RUNDC3B: variants seen among roughly 807,000 people sequenced by gnomAD.
RUNDC3B encodes the protein RUN domain-containing protein 3B.
A neutral mutation model predicts 58.4 loss-of-function variants in RUNDC3B; 33 were observed. That is an observed-to-expected ratio of 0.56 (90% CI 0.43 to 0.75). The LOEUF (loss-of-function observed/expected upper bound fraction) is 0.75, where lower values mean the gene tolerates loss of function less well. RUNDC3B is among the 30% of genes least tolerant of loss of function. RUNDC3B has a pLI of 0.00. For synonymous variants in RUNDC3B, 193 were observed against 195.2 expected, an observed-to-expected ratio of 0.99 and a Z score of 0.10; for missense variants, 501 against 535.7, an observed-to-expected ratio of 0.94 and a Z score of 0.64.
At chr7:87,698,334 T>TCC (rs1828689614) in intron 2 of RUNDC3B, among the ~76,000 whole-genome samples, 1 of 152,064 alleles carries the variant, frequency 6.6e-6, no homozygotes, top group Non-Finnish European at 1.5e-5. Context: ...GACCACATGA[T>TCC]CCTCCCACCT....
intron 5 of RUNDC3B, 134 bp from the exon 6 acceptor site, chr7:87,741,365 A>G: frequency 3.7e-6 from 2 of 533,856 alleles, no homozygotes; most frequent in Non-Finnish European, 6.6e-6. Context: ...ACAAGTAACA[A>G]TTAAATTGCA....
rs575401662 is a variant in RUNDC3B, at chr7:87,732,963, A to G, written c.459-6828A>G. Among the ~76,000 whole-genome samples the G allele has an allele frequency of 2.1e-3, 314 of 152,328 alleles. 1 individual carries two copies. Among genetic ancestry groups the G allele is most frequent in the Non-Finnish European group, 3.2e-3 (218 of 68,036 alleles). On this transcript the variant is annotated intron_variant, in intron 4 of 10. Coordinates refer to ENST00000394654, the MANE Select transcript of RUNDC3B (RefSeq NM_001134405.2). ...AACAAGATATTAATCAGCAGTAACA[A>G]TTGCAACAAAAGCTGGTTACAAACA...
chr7:87,768,496 T>C (rs1340250870), intron 6 of RUNDC3B, among the ~76,000 whole-genome samples: 2 of 152,210 alleles, frequency 1.3e-5, no homozygotes, highest in Non-Finnish European at 2.9e-5. Context: ...CTGCTTCAGC[T>C]CAGGTTTGGG....
intron 8 of RUNDC3B, among the ~76,000 whole-genome samples, chr7:87,786,455 T>A (rs1413010463): frequency 6.6e-6 from 1 of 152,058 alleles, no homozygotes; most frequent in Non-Finnish European, 1.5e-5. Context: ...GTTTGTCCTA[T>A]GAGGCATCAC....
At chr7:87,792,278 A>G (rs1309586730) in intron 8 of RUNDC3B, among the ~76,000 whole-genome samples, 1 of 152,092 alleles carries the variant, frequency 6.6e-6, no homozygotes, top group East Asian at 1.9e-4. Flanking sequence ...AGACTTTAAC[A>G]CCCCACCTTC....
chr7:87,702,142 C>CAAAAAAAA lies in RUNDC3B; in HGVS notation c.372+1611_372+1618dup, dbSNP rs146127516. On this transcript the variant is annotated intron_variant, in intron 3 of 10. Coordinates refer to ENST00000394654, the MANE Select transcript of RUNDC3B (RefSeq NM_001134405.2). The stretch of plus-strand genomic sequence containing the variant: ...TGGGCAAAAGAGCGAGACTCTGTCT[C>CAAAAAAAA]AAAAAAAAAAAAAAAAAAAAAAAAA... 1.8e-3 allele frequency among the ~76,000 whole-genome samples: 30 copies of CAAAAAAAA among 16,776 alleles called. 5 individuals are homozygous for CAAAAAAAA. Among genetic ancestry groups the CAAAAAAAA allele is most frequent in the East Asian group, 0.013 (5 of 376 alleles). The allele number at this position is 16,776 out of a possible 152,430, so 11.0% of individuals were successfully genotyped here.
intron 3 of RUNDC3B, among the ~76,000 whole-genome samples, chr7:87,702,725 A>G (rs1028146183): frequency 2.6e-5 from 4 of 152,182 alleles, no homozygotes; most frequent in Non-Finnish European, 5.9e-5. Context: ...AGTCAAATGG[A>G]TCGAACATCC....
intron 6 of RUNDC3B, among the ~76,000 whole-genome samples, chr7:87,742,567 C>CATAGCTAA (rs1288091611): frequency 2.1e-5 from 3 of 143,024 alleles, no homozygotes; most frequent in African/African-American, 7.8e-5. Context: ...AGTATTCCAT[C>CATAGCTAA]ATAGATAAAT....
intron 1 of RUNDC3B, among the ~76,000 whole-genome samples, chr7:87,644,650 T>C (rs1360666650): frequency 6.6e-6 from 1 of 152,158 alleles, no homozygotes; most frequent in Non-Finnish European, 1.5e-5. Flanking sequence ...ATCTATTTTA[T>C]TTGAACATTT....
intron 6 of RUNDC3B, among the ~76,000 whole-genome samples, chr7:87,754,551 G>T (rs923706731): frequency 2.0e-5 from 3 of 151,956 alleles, no homozygotes; most frequent in Non-Finnish European, 2.9e-5. Flanking sequence ...AAGAACAAAT[G>T]CACCCCAAAG....
intron 1 of RUNDC3B, 151 bp downstream of exon 1, chr7:87,629,096 C>A: frequency 1.4e-6 from 1 of 708,968 alleles, no homozygotes; most frequent in Non-Finnish European, 2.0e-6. Context: ...GCGCGCAGCT[C>A]CTTGGACAGG....
At chr7:87,653,260 C>T (rs1585010138) in intron 2 of RUNDC3B, among the ~76,000 whole-genome samples, 1 of 152,000 alleles carries the variant, frequency 6.6e-6, no homozygotes. Flanking sequence ...AAGCATAATA[C>T]TTCTCTCCAC....
chr7:87,773,878 AC>A (rs934352954), intron 7 of RUNDC3B, among the ~76,000 whole-genome samples: 5 of 152,026 alleles, frequency 3.3e-5, no homozygotes, highest in African/African-American at 1.2e-4. Context: ...GGGTTTCACG[AC>A]GTTGGCTAGG....
At chr7:87,750,391 C>G (rs1368519673) in intron 6 of RUNDC3B, among the ~76,000 whole-genome samples, 2 of 151,172 alleles carry the variant, frequency 1.3e-5, no homozygotes, top group African/African-American at 4.8e-5. Context: ...TGGGTATATA[C>G]CCAGTAATGG....
At chr7:87,822,221 G>T (rs1275091821) in intron 10 of RUNDC3B, among the ~76,000 whole-genome samples, 3 of 152,050 alleles carry the variant, frequency 2.0e-5, no homozygotes, top group African/African-American at 7.2e-5. Context: ...TCAAAAAGTG[G>T]GCGAAGGACA....
intron 2 of RUNDC3B, among the ~76,000 whole-genome samples, chr7:87,672,688 G>A (rs1277918880): frequency 1.3e-5 from 2 of 152,146 alleles, no homozygotes; most frequent in Non-Finnish European, 2.9e-5. Context: ...GAGACCGAAG[G>A]CCCTGGTGGA....
intron 10 of RUNDC3B, among the ~76,000 whole-genome samples, chr7:87,824,680 G>A (rs1837701481): frequency 6.6e-6 from 1 of 152,186 alleles, no homozygotes; most frequent in Non-Finnish European, 1.5e-5. Context: ...GAACTTCCTA[G>A]AGACTTGTTG....
At chr7:87,658,216 C>G (rs1824317118) in intron 2 of RUNDC3B, among the ~76,000 whole-genome samples, 1 of 151,942 alleles carries the variant, frequency 6.6e-6, no homozygotes, top group South Asian at 2.1e-4. Context: ...CAAAGAAGAC[C>G]AAAATGGAAA....
At chr7:87,774,768 T>C (rs1486006045) in intron 7 of RUNDC3B, among the ~76,000 whole-genome samples, 1 of 152,200 alleles carries the variant, frequency 6.6e-6, no homozygotes, top group African/African-American at 2.4e-5. Context: ...CATAATAATG[T>C]TTTGGCCAAC....
Sources: allele counts gnomAD v4.1 joint callset (sites outside exome capture counted in the v4.1 genomes callset), GRCh38; gene constraint gnomAD v4.1.1; transcripts MANE v1.5; gene names NCBI Gene and HGNC (gene_info 2026-07-23, HGNC 2026-07-21).